The following CNTNAP3 variants were observed in gnomAD, a reference collection of about 807,000 sequenced individuals.
CNTNAP3 encodes contactin-associated protein-like 3.
Under a neutral mutation model 92.1 loss-of-function variants are expected in CNTNAP3, and 36 were observed. The observed-to-expected ratio is 0.39, with a 90% CI of 0.30 to 0.52. The LOEUF is 0.52. Ranked by LOEUF, CNTNAP3 falls within the 20% of genes least tolerant of loss-of-function variation. The pLI is 0.76. For synonymous variants in CNTNAP3, 232 were observed against 422.3 expected (o/e 0.55, Z 5.53); for missense variants, 534 against 1,069.6 (o/e 0.50, Z 6.98).
In CNTNAP3 at chr9:39,253,014, TACACACAC is replaced by T. The variant is rs1178975952; in HGVS notation, c.197-13836_197-13829del. On this transcript the variant is annotated intron_variant, in intron 2 of 23. Coordinates refer to ENST00000297668, the MANE Select transcript of CNTNAP3 (RefSeq NM_033655.5). ...ATGTATATATTCCTGCAACTGAATA[TACACACAC>T]ACACACACACACACACACACACACA... is the stretch of plus-strand genomic sequence containing the variant. Among the ~76,000 whole-genome samples, 20 of 3,606 alleles carry T rather than the reference TACACACAC, an allele frequency of 5.5e-3. 9 individuals carry two copies. Among genetic ancestry groups the T allele is most frequent in the African/African-American group, 5.3e-3 (18 of 3,372 alleles). The allele number at this position is 3,606 out of a possible 152,430, so 2.4% of individuals were successfully genotyped here.
At chr9:39,093,241 ATTTTCT>A (rs964544748) in intron 18 of CNTNAP3, among the ~76,000 whole-genome samples, 1 of 133,228 alleles carries the variant, frequency 7.5e-6, no homozygotes, top group Non-Finnish European at 1.6e-5. Context: ...TACATCTGCC[ATTTTCT>A]TTTTCTTTTT....
chr9:39,103,495 T>C (rs1826518575), intron 16 of CNTNAP3, among the ~76,000 whole-genome samples: 1 of 151,908 alleles, frequency 6.6e-6, no homozygotes, highest in African/African-American at 2.4e-5. Flanking sequence ...GGCAGGAGAA[T>C]TGCTTGAACC....
intron 18 of CNTNAP3, among the ~76,000 whole-genome samples, chr9:39,092,413 T>C (rs1826226382): frequency 7.3e-6 from 1 of 136,152 alleles, no homozygotes. Context: ...AACCCTGCTT[T>C]AGCTGTGTTA....
chr9:39,087,291 A>AT (rs1170508313), intron 19 of CNTNAP3, among the ~76,000 whole-genome samples: 1 of 152,282 alleles, frequency 6.6e-6, no homozygotes, highest in African/African-American at 2.4e-5. Context: ...GTGCATAAAG[A>AT]TTTTTTTATA....
intron 23 of CNTNAP3, among the ~76,000 whole-genome samples, chr9:39,074,446 C>CA (rs1433351683): frequency 1.3e-5 from 2 of 148,352 alleles, no homozygotes; most frequent in Admixed American, 6.7e-5. Flanking sequence ...TTGAAAACAC[C>CA]AAAACTCAGA....
In CNTNAP3 at chr9:39,072,174, G is replaced by A. The variant is rs1825645659; in HGVS notation, c.*1716C>T. On this transcript the variant is annotated 3_prime_UTR_variant, in exon 24 of 24. Transcript: ENST00000297668. ...CAATACAGATGTAGTATTCTGAGAAGAGATCATTTGTTAAGAGCGGATTTA... is the reference window on the plus strand; with the variant it reads ...CAATACAGATGTAGTATTCTGAGAAAAGATCATTTGTTAAGAGCGGATTTA... Among the ~76,000 whole-genome samples the A allele has an allele frequency of 1.8e-5, 2 of 113,818 alleles. No individual in the cohort carries two copies. The highest frequency in any genetic ancestry group is 3.4e-5 in the Non-Finnish European group (2 of 58,656). 74.7% of individuals were successfully genotyped at this position (113,818 alleles called of 152,430 possible).
intron 10 of CNTNAP3, among the ~76,000 whole-genome samples, chr9:39,148,762 T>C (rs905728105): frequency 9.2e-5 from 14 of 152,198 alleles, no homozygotes; most frequent in South Asian, 2.1e-4. Context: ...CCTGACCTCA[T>C]GATCCGCTCT....
intron 14 of CNTNAP3, among the ~76,000 whole-genome samples, chr9:39,117,491 C>G (rs1045661943): frequency 2.0e-5 from 3 of 152,150 alleles, no homozygotes; most frequent in African/African-American, 7.2e-5. Context: ...AAAATTGTTT[C>G]TGCTCAAAGG....
intron 15 of CNTNAP3, among the ~76,000 whole-genome samples, chr9:39,108,279 C>T (rs184506771): frequency 4.1e-4 from 63 of 152,218 alleles, no homozygotes; most frequent in African/African-American, 1.4e-3. Context: ...CGGTCCCCCC[C>T]CTCTCTGGGG....
At chr9:39,095,065 T>TA (rs1245654221) in intron 18 of CNTNAP3, among the ~76,000 whole-genome samples, 3 of 151,600 alleles carry the variant, frequency 2.0e-5, no homozygotes, top group African/African-American at 4.8e-5. Context: ...CGGTTAAGTT[T>TA]ATTTCTAAGT....
In CNTNAP3 at chr9:39,068,302, G is replaced by A. The variant is rs1341195226; in HGVS notation, c.*5588C>T. Among the ~76,000 whole-genome samples, 1 of 152,192 alleles carries A rather than the reference G, an allele frequency of 6.6e-6. No individual in the cohort carries two copies. Among genetic ancestry groups the A allele is most frequent in the Non-Finnish European group, 1.5e-5 (1 of 68,048 alleles). The stretch of plus-strand genomic sequence containing the variant: ...ATGTTGGCTTGTGCCTGTAGTCCCA[G>A]CTACTCGGGAGGCTGAGGCAGGAGA... On this transcript the variant is annotated 3_prime_UTR_variant, in exon 24 of 24. Coordinates refer to ENST00000297668, the MANE Select transcript of CNTNAP3 (RefSeq NM_033655.5).
chr9:39,095,409 T>C (rs1826302724), intron 18 of CNTNAP3, among the ~76,000 whole-genome samples: 1 of 151,558 alleles, frequency 6.6e-6, no homozygotes, highest in Non-Finnish European at 1.5e-5. Context: ...TTTCTTATTT[T>C]ACGGAAGCTT....
At chr9:39,093,855 C>G (rs1415716217) in intron 18 of CNTNAP3, among the ~76,000 whole-genome samples, 7 of 151,038 alleles carry the variant, frequency 4.6e-5, no homozygotes, top group Non-Finnish European at 1.0e-4. Context: ...TTCTTGTTTT[C>G]AATTGTTTTG....
At chr9:39,106,818 T>G (rs902168666) in intron 15 of CNTNAP3, among the ~76,000 whole-genome samples, 19 of 152,102 alleles carry the variant, frequency 1.2e-4, no homozygotes, top group Non-Finnish European at 2.4e-4. Flanking sequence ...TTCCAGGGGT[T>G]ATTACTGAAC....
chr9:39,104,558 C>G lies in CNTNAP3; in HGVS notation c.2366-644G>C, dbSNP rs529848081. Among the ~76,000 whole-genome samples, 631 of 149,692 alleles carry G rather than the reference C, an allele frequency of 4.2e-3. 3 individuals are homozygous for G. The highest frequency in any genetic ancestry group is 0.014 in the African/African-American group (578 of 40,700). On this transcript the variant is annotated intron_variant, in intron 15 of 23. Coordinates refer to ENST00000297668, the MANE Select transcript of CNTNAP3 (RefSeq NM_033655.5). ...CTTTCATGGCAAGAACAATCAAGAA[C>G]AAGAAGAAGCTTATTTGTTCCCTTC...
At chr9:39,119,469 T>C (rs1209955665) in intron 13 of CNTNAP3, among the ~76,000 whole-genome samples, 2 of 151,872 alleles carry the variant, frequency 1.3e-5, no homozygotes, top group Non-Finnish European at 2.9e-5. Flanking sequence ...TTTTTAAAAA[T>C]TAATACACTC....
At chr9:39,140,759 T>C in intron 11 of CNTNAP3, 121 bp from the exon 12 acceptor site, 1 of 1,427,468 alleles carries the variant, frequency 7.0e-7, no homozygotes, top group East Asian at 2.4e-5. Context: ...ATCATTTTGA[T>C]AGTGTATGAC....
At chr9:39,159,637 TAGATAGATAG>T (rs1563895960) in intron 9 of CNTNAP3, 1 of 137,536 alleles carries the variant, frequency 7.3e-6, no homozygotes, top group African/African-American at 3.0e-5. Context: ...TGGAGATAGA[TAGATAGATAG>T]ATAGATAGAT....
intron 11 of CNTNAP3, 144 bp downstream of exon 11, chr9:39,144,096 T>C: frequency 7.1e-7 from 1 of 1,409,924 alleles, no homozygotes; most frequent in Non-Finnish European, 9.4e-7. Flanking sequence ...TAAGGTGGAT[T>C]AAAAGTAAAC....
Sources: allele counts gnomAD v4.1 joint callset (sites outside exome capture counted in the v4.1 genomes callset), GRCh38; gene constraint gnomAD v4.1.1; transcripts MANE v1.5; gene names NCBI Gene and HGNC (gene_info 2026-07-23, HGNC 2026-07-21).